GPC6: variants seen among roughly 807,000 people sequenced by gnomAD.
GPC6 encodes the protein glypican-6.
GPC6 carries 14 observed loss-of-function variants against 55.2 expected under a neutral mutation model. The ratio of observed to expected loss-of-function variants is 0.25; its 90% CI spans 0.17 to 0.40. The LOEUF (loss-of-function observed/expected upper bound fraction) is 0.40, where lower values mean the gene tolerates loss of function less well. GPC6 is among the 10% of genes least tolerant of loss of function. The pLI is 1.00. For synonymous variants in GPC6, 278 were observed against 259.6 expected (o/e 1.07, Z -0.68); for missense variants, 641 against 708.5 (o/e 0.90, Z 1.08).
At chr13:93,458,971 G>T (rs1878575868) in intron 1 of GPC6, among the ~76,000 whole-genome samples, 1 of 152,100 alleles carries the variant, frequency 6.6e-6, no homozygotes, top group Admixed American at 6.5e-5. Context: ...TACCTTAAGT[G>T]GTTAATTTTA....
At chr13:93,294,275 A>G (rs1160664642) in intron 1 of GPC6, among the ~76,000 whole-genome samples, 2 of 152,178 alleles carry the variant, frequency 1.3e-5, no homozygotes, top group Admixed American at 6.5e-5. Flanking sequence ...ATAAGAAAAT[A>G]ATAATAATTT....
chr13:93,559,467 T>C (rs1187557694), intron 2 of GPC6, among the ~76,000 whole-genome samples: 1 of 152,180 alleles, frequency 6.6e-6, no homozygotes, highest in Non-Finnish European at 1.5e-5. Flanking sequence ...GCCCAGTACA[T>C]GTAATGAATT....
chr13:93,837,343 A>G (rs1476527675), intron 3 of GPC6, among the ~76,000 whole-genome samples: 1 of 152,222 alleles, frequency 6.6e-6, no homozygotes, highest in African/African-American at 2.4e-5. Flanking sequence ...TAAATGTACC[A>G]TGGCTAGAAA....
intron 3 of GPC6, among the ~76,000 whole-genome samples, chr13:93,931,916 G>T (rs762550189): frequency 6.6e-6 from 1 of 152,124 alleles, no homozygotes; most frequent in Admixed American, 6.6e-5. Flanking sequence ...AAGTAGTTGA[G>T]TAAGTTGCTG....
At chr13:94,127,393 T>G (rs1886856206) in intron 4 of GPC6, among the ~76,000 whole-genome samples, 1 of 152,102 alleles carries the variant, frequency 6.6e-6, no homozygotes, top group Admixed American at 6.6e-5. Flanking sequence ...CCCCTCCCAC[T>G]CTTTCTCTTG....
chr13:93,658,342 T>G (rs566536475), intron 2 of GPC6, among the ~76,000 whole-genome samples: 1 of 152,028 alleles, frequency 6.6e-6, no homozygotes. Context: ...CATTGCTGTA[T>G]ATGACATTAT....
At chr13:93,427,172 C>T (rs1401662348) in intron 1 of GPC6, among the ~76,000 whole-genome samples, 3 of 151,978 alleles carry the variant, frequency 2.0e-5, no homozygotes, top group South Asian at 2.1e-4. Flanking sequence ...CGAAAATTTT[C>T]TCCCATTTTG....
intron 3 of GPC6, among the ~76,000 whole-genome samples, chr13:93,935,670 T>C (rs928665943): frequency 1.3e-5 from 2 of 152,228 alleles, no homozygotes; most frequent in Admixed American, 6.6e-5. Context: ...GAGAGCACTA[T>C]TCTAAACTTT....
At chr13:94,146,909 A>G (rs1485847601) in intron 4 of GPC6, among the ~76,000 whole-genome samples, 1 of 152,220 alleles carries the variant, frequency 6.6e-6, no homozygotes, top group Admixed American at 6.6e-5. Context: ...ATAGGTTTAT[A>G]TATTTCCACT....
intron 1 of GPC6, among the ~76,000 whole-genome samples, chr13:93,348,914 A>G (rs920135073): frequency 6.6e-6 from 1 of 152,144 alleles, no homozygotes; most frequent in African/African-American, 2.4e-5. Context: ...TTTCCCCTCC[A>G]TAGAGAATAC....
chr13:93,697,688 C>T (rs1018586925), intron 2 of GPC6, among the ~76,000 whole-genome samples: 1 of 152,130 alleles, frequency 6.6e-6, no homozygotes, highest in Admixed American at 6.6e-5. Flanking sequence ...TTAGAACTAA[C>T]AAATAATGTT....
At chr13:93,706,527 C>T (rs923311038) in intron 2 of GPC6, among the ~76,000 whole-genome samples, 3 of 151,868 alleles carry the variant, frequency 2.0e-5, no homozygotes, top group African/African-American at 7.2e-5. Context: ...ACAGATTCTC[C>T]TTTGCTTCAG....
chr13:93,900,443 G>A (rs574029123), intron 3 of GPC6, among the ~76,000 whole-genome samples: 2 of 152,184 alleles, frequency 1.3e-5, no homozygotes, highest in East Asian at 3.9e-4. Flanking sequence ...AAATGACATA[G>A]AAACACAAGG....
At chr13:93,340,026 CTTTTTTT>C (rs10714044) in intron 1 of GPC6, among the ~76,000 whole-genome samples, 14 of 81,614 alleles carry the variant, frequency 1.7e-4, no homozygotes, top group African/African-American at 3.0e-4. Flanking sequence ...AGTTTTCTTT[CTTTTTTT>C]TTTTTTTTTT....
intron 2 of GPC6, among the ~76,000 whole-genome samples, chr13:93,722,529 C>G (rs925848032): frequency 2.6e-5 from 4 of 151,682 alleles, no homozygotes; most frequent in Admixed American, 1.3e-4. Context: ...GTCTGTTTAC[C>G]TATCATTGAA....
At chr13:93,532,912 A>T (rs1227504046) in intron 1 of GPC6, among the ~76,000 whole-genome samples, 1 of 152,220 alleles carries the variant, frequency 6.6e-6, no homozygotes, top group Non-Finnish European at 1.5e-5. Flanking sequence ...AAGAATTAGC[A>T]TTTAAAGTTT....
chr13:93,842,664 C>T (rs1287657788), intron 3 of GPC6, among the ~76,000 whole-genome samples: 3 of 152,020 alleles, frequency 2.0e-5, no homozygotes, highest in Non-Finnish European at 2.9e-5. Flanking sequence ...TTATGAATCA[C>T]CCTAGCCAAA....
At chr13:93,541,273 G>A (rs1882286518) in intron 1 of GPC6, among the ~76,000 whole-genome samples, 1 of 145,510 alleles carries the variant, frequency 6.9e-6, no homozygotes, top group South Asian at 2.3e-4. Flanking sequence ...AGAATATGCG[G>A]CATTTGGTTT....
At chr13:93,281,463 T>G (rs1434123983) in intron 1 of GPC6, among the ~76,000 whole-genome samples, 1 of 152,202 alleles carries the variant, frequency 6.6e-6, no homozygotes, top group Non-Finnish European at 1.5e-5. Flanking sequence ...AATAATTAAC[T>G]GTAATAGCTC....
Sources: gnomAD v4.1 joint callset for allele counts (sites outside exome capture counted in the v4.1 genomes callset) on GRCh38, gnomAD v4.1.1 for gene constraint, MANE v1.5 for transcripts, NCBI Gene and HGNC (gene_info 2026-07-23, HGNC 2026-07-21) for gene names.